FOXP2: variants seen among roughly 807,000 people sequenced by gnomAD.
FOXP2 encodes forkhead box P2.
FOXP2 carries 12 observed loss-of-function variants against 115.8 expected under a neutral mutation model. That is an observed-to-expected ratio of 0.10 (90% CI 0.07 to 0.17). The LOEUF (loss-of-function observed/expected upper bound fraction) is 0.17, where lower values mean the gene tolerates loss of function less well. Ranked by LOEUF, FOXP2 falls within the 10% of genes least tolerant of loss-of-function variation. The pLI, the probability that FOXP2 is intolerant of heterozygous loss-of-function variation, is 1.00. For synonymous variants in FOXP2, 328 were observed against 297.7 expected, an observed-to-expected ratio of 1.10 and a Z score of -1.05; for missense variants, 629 against 843.5, an observed-to-expected ratio of 0.75 and a Z score of 3.15.
At chr7:114,514,583 A>G (rs888320479) in intron 2 of FOXP2, among the ~76,000 whole-genome samples, 1 of 151,872 alleles carries the variant, frequency 6.6e-6, no homozygotes, top group East Asian at 1.9e-4. Flanking sequence ...CAAATGACAC[A>G]ATTTTCTTTT....
At chr7:114,427,260 CT>C (rs1199865195) in intron 2 of FOXP2, among the ~76,000 whole-genome samples, 2 of 151,552 alleles carry the variant, frequency 1.3e-5, no homozygotes, top group African/African-American at 4.8e-5. Context: ...TTAAAGAGCA[CT>C]TTTTGTGTTC....
chr7:114,211,700 A>G (rs1341389901), intron 1 of FOXP2, among the ~76,000 whole-genome samples: 1 of 152,200 alleles, frequency 6.6e-6, no homozygotes, highest in Non-Finnish European at 1.5e-5. Flanking sequence ...AAATGTTTAT[A>G]CTGTGATTTC....
intron 1 of FOXP2, among the ~76,000 whole-genome samples, chr7:114,170,716 C>G (rs1793115113): frequency 1.3e-5 from 2 of 152,290 alleles, no homozygotes; most frequent in South Asian, 4.1e-4. Context: ...GGCCCTAACT[C>G]TCTTCAATTT....
rs75147753 is a variant in FOXP2 at position 114,408,146 on chromosome 7, G to A, written c.-10-18356G>A. ...TATGAGCTTATATCCTCACATTTTGGCATCAAGTTATTTTTATTTTTCTCA... is the reference window on the plus strand; with the variant it reads ...TATGAGCTTATATCCTCACATTTTGACATCAAGTTATTTTTATTTTTCTCA... On this transcript the variant is annotated intron_variant, in intron 2 of 17. Coordinates refer to the FOXP2 transcript ENST00000634411. Among the ~76,000 whole-genome samples, 431 of 151,924 alleles carry A rather than the reference G, an allele frequency of 2.8e-3. 4 individuals carry two copies. Among genetic ancestry groups the A allele is most frequent in the African/African-American group, 9.7e-3 (403 of 41,446 alleles).
intron 1 of FOXP2, among the ~76,000 whole-genome samples, chr7:114,265,204 A>G (rs753931884): frequency 3.2e-4 from 48 of 152,184 alleles, no homozygotes; most frequent in Admixed American, 6.5e-5. Flanking sequence ...CTATGAGCCT[A>G]TAAAATACAA....
At chr7:114,208,495 G>A (rs190121216) in intron 1 of FOXP2, among the ~76,000 whole-genome samples, 2 of 152,282 alleles carry the variant, frequency 1.3e-5, no homozygotes, top group East Asian at 3.9e-4. Context: ...ATGCTGAAAT[G>A]AGTTAAGACT....
intron 2 of FOXP2, among the ~76,000 whole-genome samples, chr7:114,384,593 C>T (rs759977327): frequency 7.9e-5 from 12 of 151,994 alleles, no homozygotes; most frequent in African/African-American, 9.7e-5. Flanking sequence ...TAGGTCTGGT[C>T]GGACCTTTGT....
intron 2 of FOXP2, among the ~76,000 whole-genome samples, chr7:114,378,759 G>C (rs1041668853): frequency 2.8e-5 from 4 of 144,642 alleles, no homozygotes; most frequent in African/African-American, 5.0e-5. Context: ...GCCTTCTGCT[G>C]TCTGGTACCT....
intron 1 of FOXP2, among the ~76,000 whole-genome samples, chr7:114,286,191 A>G (rs984313261): frequency 2.2e-4 from 34 of 152,066 alleles, no homozygotes; most frequent in African/African-American, 7.7e-4. Context: ...GTTATTATAT[A>G]TAACACTCTC....
chr7:114,428,339 G>A (rs934247101), intron 2 of FOXP2, among the ~76,000 whole-genome samples: 1 of 151,434 alleles, frequency 6.6e-6, no homozygotes, highest in African/African-American at 2.4e-5. Context: ...ATAGATTTTA[G>A]TACTCTGGAG....
intron 2 of FOXP2, among the ~76,000 whole-genome samples, chr7:114,507,267 G>A (rs1263827539): frequency 3.3e-5 from 5 of 151,796 alleles, no homozygotes; most frequent in Admixed American, 2.6e-4. Flanking sequence ...TTCTTGTCAG[G>A]AGTCTAAAAT....
At chr7:114,255,767 T>C (rs78821420) in intron 1 of FOXP2, among the ~76,000 whole-genome samples, 1 of 152,134 alleles carries the variant, frequency 6.6e-6, no homozygotes, top group African/African-American at 2.4e-5. Flanking sequence ...CACCCTGCTT[T>C]GGCTCACACT....
chr7:114,123,576 G>T (rs986518341), intron 1 of FOXP2, among the ~76,000 whole-genome samples: 1 of 151,900 alleles, frequency 6.6e-6, no homozygotes, highest in African/African-American at 2.4e-5. Flanking sequence ...TTATCATCCT[G>T]GGATGATTAA....
At chr7:114,144,204 T>C (rs186660305) in intron 1 of FOXP2, among the ~76,000 whole-genome samples, 9 of 152,314 alleles carry the variant, frequency 5.9e-5, no homozygotes, top group Non-Finnish European at 1.2e-4. Context: ...ACGATGGCTT[T>C]AGCAGGATGT....
chr7:114,176,192 T>A lies in FOXP2; in HGVS notation c.-102+13104T>A, dbSNP rs959932683. Among the ~76,000 whole-genome samples the A allele has an allele frequency of 9.1e-3, 1,275 of 140,050 alleles. 63 individuals carry two copies. The highest frequency in any genetic ancestry group is 0.075 in the Admixed American group (1,098 of 14,546). 91.9% of individuals were successfully genotyped at this position (140,050 alleles called of 152,430 possible). ...TTGATTTCTCTTTTCTTGTCTTGTC[T>A]TGTCTTGTCTTGTCTTGTCTTGTCT... On this transcript the variant is annotated intron_variant, in intron 1 of 17. Transcript: ENST00000634411.
chr7:114,357,683 T>C (rs1030243353), intron 2 of FOXP2, among the ~76,000 whole-genome samples: 1 of 152,180 alleles, frequency 6.6e-6, no homozygotes, highest in Middle Eastern at 3.2e-3. Flanking sequence ...CTAGGATGTA[T>C]GGTATCCTAA....
chr7:114,657,986 C>A, intron 10 of FOXP2, 80 bp from the exon 11 acceptor site: 1 of 1,474,318 alleles, frequency 6.8e-7, no homozygotes, highest in Non-Finnish European at 9.5e-7. Flanking sequence ...AGAAGTGAAT[C>A]CACTCTCATT....
At chr7:114,346,938 C>T (rs991650420) in intron 2 of FOXP2, among the ~76,000 whole-genome samples, 2 of 151,626 alleles carry the variant, frequency 1.3e-5, no homozygotes, top group African/African-American at 4.8e-5. Context: ...TTCACTCTAC[C>T]TTGATTGTAT....
chr7:114,459,966 T>G (rs541241300), intron 2 of FOXP2, among the ~76,000 whole-genome samples: 2 of 152,176 alleles, frequency 1.3e-5, no homozygotes, highest in Non-Finnish European at 2.9e-5. Context: ...AATTCTAAAA[T>G]TTTCAGTAGC....
Sources: allele counts gnomAD v4.1 joint callset (sites outside exome capture counted in the v4.1 genomes callset), GRCh38; gene constraint gnomAD v4.1.1; transcripts MANE v1.5; gene names NCBI Gene and HGNC (gene_info 2026-07-23, HGNC 2026-07-21).